Variants in PTGER3 observed in about 807,000 individuals in gnomAD.
PTGER3 encodes the protein prostaglandin E2 receptor EP3 subtype.
In PTGER3, 22 loss-of-function variants were observed where a neutral mutation model predicts 34.7. The ratio of observed to expected loss-of-function variants is 0.63; its 90% CI spans 0.45 to 0.91. PTGER3 has a LOEUF of 0.91. Ranked by LOEUF, PTGER3 falls within the 40% of genes least tolerant of loss-of-function variation. The probability of loss-of-function intolerance (pLI) is 0.00; values close to 1 mark genes in which losing one functional copy is unlikely to be tolerated. For missense variants in PTGER3, 468 were observed against 519.4 expected (o/e 0.90, Z 0.96); for synonymous variants, 241 against 230.1 (o/e 1.05, Z -0.43).
intron 2 of PTGER3, among the ~76,000 whole-genome samples, chr1:70,990,032 G>A (rs538468380): frequency 1.3e-5 from 2 of 152,038 alleles, no homozygotes; most frequent in Admixed American, 1.3e-4. Flanking sequence ...TACAATACAT[G>A]TATGTATGTG....
chr1:70,859,861 C>T (rs934793686), intron 4 of PTGER3, among the ~76,000 whole-genome samples: 4 of 152,074 alleles, frequency 2.6e-5, no homozygotes, highest in African/African-American at 2.4e-5. Context: ...AAATCTGTAT[C>T]GGTTTGACTT....
At chr1:70,971,914 T>C (rs1653125858) in intron 3 of PTGER3, among the ~76,000 whole-genome samples, 181 bp from the exon 4 acceptor site, 1 of 152,158 alleles carries the variant, frequency 6.6e-6, no homozygotes, top group Non-Finnish European at 1.5e-5. Context: ...GTAGGCACAA[T>C]AAATGGTCAA....
At chr1:70,990,165 A>G (rs1311347873) in intron 2 of PTGER3, among the ~76,000 whole-genome samples, 2 of 151,734 alleles carry the variant, frequency 1.3e-5, no homozygotes, top group African/African-American at 4.8e-5. Flanking sequence ...CAACCTGGCT[A>G]ACACGGTGAA....
intron 4 of PTGER3, among the ~76,000 whole-genome samples, chr1:70,930,381 A>C (rs1396570812): frequency 6.6e-6 from 1 of 152,122 alleles, no homozygotes; most frequent in Non-Finnish European, 1.5e-5. Flanking sequence ...TCTCCCTCAT[A>C]TCTAAATCAT....
At chr1:70,860,052 G>C (rs1198459743) in intron 4 of PTGER3, among the ~76,000 whole-genome samples, 1 of 151,952 alleles carries the variant, frequency 6.6e-6, no homozygotes, top group Non-Finnish European at 1.5e-5. Context: ...AGAGTGGGTG[G>C]GGGGGAGTGG....
chr1:70,853,458 A>G (rs927473943), intron 4 of PTGER3, among the ~76,000 whole-genome samples: 1 of 152,228 alleles, frequency 6.6e-6, no homozygotes, highest in Non-Finnish European at 1.5e-5. Flanking sequence ...CCTAAAAAAC[A>G]AACATATTAA....
chr1:70,984,229 A>T (rs1316363153), intron 2 of PTGER3, among the ~76,000 whole-genome samples: 1 of 151,954 alleles, frequency 6.6e-6, no homozygotes, highest in Non-Finnish European at 1.5e-5. Flanking sequence ...TCTACTAAAA[A>T]TACAAAAATT....
intron 1 of PTGER3, among the ~76,000 whole-genome samples, chr1:71,022,378 GATAA>G (rs1332152930): frequency 6.6e-6 from 1 of 151,902 alleles, no homozygotes; most frequent in African/African-American, 2.4e-5. Flanking sequence ...TAAATTTAGT[GATAA>G]ATTAAGTGGC....
At chr1:70,911,627 A>G (rs112170295) in intron 4 of PTGER3, among the ~76,000 whole-genome samples, 3 of 152,170 alleles carry the variant, frequency 2.0e-5, no homozygotes, top group African/African-American at 4.8e-5. Flanking sequence ...GCAGAAAGTG[A>G]CGACATTTTT....
chr1:70,863,186 G>A (rs925312884), intron 4 of PTGER3, among the ~76,000 whole-genome samples: 24 of 151,882 alleles, frequency 1.6e-4, no homozygotes, highest in African/African-American at 5.8e-4. Context: ...GTCTCAGCTG[G>A]AACAAATGCT....
chr1:70,943,176 C>T (rs1359634068), intron 4 of PTGER3, among the ~76,000 whole-genome samples: 1 of 152,142 alleles, frequency 6.6e-6, no homozygotes, highest in East Asian at 1.9e-4. Flanking sequence ...TACAAATCTG[C>T]TGCCTTAACT....
chr1:70,931,868 T>C (rs958552241), intron 4 of PTGER3, among the ~76,000 whole-genome samples: 1 of 152,182 alleles, frequency 6.6e-6, no homozygotes, highest in African/African-American at 2.4e-5. Flanking sequence ...GGGATTAACA[T>C]TCAGCTCCTT....
intron 4 of PTGER3, among the ~76,000 whole-genome samples, chr1:70,892,141 A>C (rs1462391793): frequency 1.3e-5 from 2 of 152,182 alleles, no homozygotes; most frequent in Non-Finnish European, 2.9e-5. Flanking sequence ...TAAAATATGG[A>C]GTTTCAGGGG....
At chr1:70,944,919 A>C (rs1401824524) in intron 4 of PTGER3, among the ~76,000 whole-genome samples, 1 of 151,980 alleles carries the variant, frequency 6.6e-6, no homozygotes, top group Non-Finnish European at 1.5e-5. Flanking sequence ...TCATAAGTAG[A>C]TTTTCCCTCT....
intron 2 of PTGER3, among the ~76,000 whole-genome samples, chr1:70,965,555 A>C (rs1652428333): frequency 6.6e-6 from 1 of 152,124 alleles, no homozygotes; most frequent in African/African-American, 2.4e-5. Flanking sequence ...TTTTAAGACT[A>C]TATTACTATC....
At chr1:70,945,060 C>T (rs1261979072) in intron 4 of PTGER3, among the ~76,000 whole-genome samples, 1 of 152,132 alleles carries the variant, frequency 6.6e-6, no homozygotes, top group Non-Finnish European at 1.5e-5. Context: ...TGATTAAAGT[C>T]CTATAGTTAG....
chr1:70,951,804 A>C (rs1650783313), downstream of PTGER3, among the ~76,000 whole-genome samples: 2 of 152,194 alleles, frequency 1.3e-5, no homozygotes, highest in Non-Finnish European at 2.9e-5. Context: ...TCATATTCTA[A>C]TATAGAAAAC....
intron 4 of PTGER3, among the ~76,000 whole-genome samples, chr1:70,927,277 T>G (rs1648192344): frequency 6.6e-6 from 1 of 152,104 alleles, no homozygotes; most frequent in Non-Finnish European, 1.5e-5. Flanking sequence ...TCCTTGTACC[T>G]CTGGTAGAAT....
At chr1:71,045,164 C>T (rs1193532175) in intron 1 of PTGER3, among the ~76,000 whole-genome samples, 2 of 152,184 alleles carry the variant, frequency 1.3e-5, no homozygotes, top group African/African-American at 2.4e-5. Context: ...TCCTTGTCCC[C>T]TCATGTCACT....
Sources: gnomAD v4.1 joint callset for allele counts (sites outside exome capture counted in the v4.1 genomes callset) on GRCh38, gnomAD v4.1.1 for gene constraint, MANE v1.5 for transcripts, NCBI Gene and HGNC (gene_info 2026-07-23, HGNC 2026-07-21) for gene names.